The following CDC73 variants were observed in gnomAD, a reference collection of about 807,000 sequenced individuals.
CDC73 encodes the protein parafibromin.
In CDC73, 21 loss-of-function variants were observed where a neutral mutation model predicts 83.7. The ratio of observed to expected loss-of-function variants is 0.25; its 90% confidence interval spans 0.18 to 0.36. The LOEUF is 0.36. CDC73 is among the 10% of genes least tolerant of loss of function. The pLI is 1.00. For synonymous variants in CDC73, 224 were observed against 212.9 expected (o/e 1.05, Z -0.45); for missense variants, 342 against 653.3 (o/e 0.52, Z 5.19).
At chr1:193,130,338 C>T in intron 3 of CDC73, 95 bp downstream of exon 3, 1 of 863,650 alleles carries the variant, frequency 1.2e-6, no homozygotes, top group South Asian at 1.4e-5. Context: ...TTTGTATTTC[C>T]ACCAAAAAAT....
chr1:193,168,119 T>C (rs1349996091), intron 10 of CDC73, among the ~76,000 whole-genome samples: 1 of 152,074 alleles, frequency 6.6e-6, no homozygotes, highest in African/African-American at 2.4e-5. Context: ...CCTCCACCTC[T>C]GAGTGCTGGG....
chr1:193,189,233 C>T (rs1030045947), intron 10 of CDC73, among the ~76,000 whole-genome samples: 16 of 152,164 alleles, frequency 1.1e-4, no homozygotes, highest in African/African-American at 3.1e-4. Context: ...GGATTACAGA[C>T]GTGAGCCACA....
At chr1:193,152,340 A>T in intron 9 of CDC73, 40 bp from the exon 10 acceptor site, 3 of 1,284,502 alleles carry the variant, frequency 2.3e-6, no homozygotes, top group Non-Finnish European at 3.4e-6. Flanking sequence ...AAGATACATG[A>T]TCTATAAAAT....
intron 10 of CDC73, among the ~76,000 whole-genome samples, chr1:193,188,521 ACT>A (rs1676860104): frequency 6.6e-6 from 1 of 152,056 alleles, no homozygotes; most frequent in African/African-American, 2.4e-5. Context: ...TTATATTTTC[ACT>A]TTTTCAACAG....
chr1:193,231,636 A>G (rs1677664435), intron 13 of CDC73, among the ~76,000 whole-genome samples: 1 of 152,188 alleles, frequency 6.6e-6, no homozygotes, highest in Non-Finnish European at 1.5e-5. Context: ...AAATTTTTAA[A>G]TGATATAGAA....
At chr1:193,131,608 ATC>A (rs1251403806) in intron 3 of CDC73, among the ~76,000 whole-genome samples, 1 of 152,150 alleles carries the variant, frequency 6.6e-6, no homozygotes, top group African/African-American at 2.4e-5. Flanking sequence ...CTCTGCCTAA[ATC>A]TCTGTGACTC....
At chr1:193,126,969 T>C (rs1051892576) in intron 2 of CDC73, among the ~76,000 whole-genome samples, 1 of 152,088 alleles carries the variant, frequency 6.6e-6, no homozygotes, top group Non-Finnish European at 1.5e-5. Context: ...ACTTGTTGTC[T>C]AAAGCAACTA....
intron 10 of CDC73, chr1:193,186,281 T>G (rs1676804964): frequency 6.6e-6 from 1 of 152,498 alleles, no homozygotes; most frequent in Non-Finnish European, 1.5e-5. Context: ...AGAGCTGTAG[T>G]TGCCCGTTCT....
At chr1:193,131,807 C>T (rs573326277) in intron 3 of CDC73, among the ~76,000 whole-genome samples, 1 of 152,312 alleles carries the variant, frequency 6.6e-6, no homozygotes, top group African/African-American at 2.4e-5. Context: ...GTTGTTCCAT[C>T]AGAGAAGACT....
intron 14 of CDC73, 72 bp from the exon 15 acceptor site, chr1:193,236,184 G>GTAGCTAAAGCTCAAGTTTGAAA: frequency 2.2e-6 from 2 of 892,052 alleles, no homozygotes; most frequent in Admixed American, 3.4e-5. Context: ...GGGATTTATA[G>GTAGCTAAAGCTCAAGTTTGAAA]TAGCTAAAGC....
At chr1:193,219,399 C>G (rs928916794) in intron 13 of CDC73, among the ~76,000 whole-genome samples, 26 of 152,086 alleles carry the variant, frequency 1.7e-4, no homozygotes, top group African/African-American at 6.0e-4. Flanking sequence ...GGATATATAC[C>G]TAGAGGAATA....
At chr1:193,228,660 C>T (rs1332906766) in intron 13 of CDC73, among the ~76,000 whole-genome samples, 3 of 152,112 alleles carry the variant, frequency 2.0e-5, no homozygotes, top group Non-Finnish European at 2.9e-5. Flanking sequence ...TAACACCATA[C>T]ACAAACATTT....
intron 15 of CDC73, among the ~76,000 whole-genome samples, chr1:193,240,466 T>C (rs148647640): frequency 1.3e-5 from 2 of 152,334 alleles, no homozygotes; most frequent in East Asian, 1.9e-4. Flanking sequence ...TACTAACTTA[T>C]ATTTCCACCA....
chr1:193,236,041 A>G (rs1572217551), intron 14 of CDC73, among the ~76,000 whole-genome samples: 1 of 152,360 alleles, frequency 6.6e-6, no homozygotes, highest in Admixed American at 6.5e-5. Context: ...AAAACCAGAT[A>G]CATGAGAAGT....
intron 2 of CDC73, among the ~76,000 whole-genome samples, chr1:193,125,580 T>C (rs1675554156): frequency 7.1e-6 from 1 of 141,100 alleles, no homozygotes; most frequent in Non-Finnish European, 1.6e-5. Context: ...ATTTTAAAAC[T>C]TTTTTTTTTT....
intron 10 of CDC73, among the ~76,000 whole-genome samples, chr1:193,164,945 G>T (rs1676410725): frequency 6.6e-6 from 1 of 152,182 alleles, no homozygotes; most frequent in South Asian, 2.1e-4. Flanking sequence ...GGTGAGGAGC[G>T]ATAGACTGAC....
At position 193,252,831 on chromosome 1, in the gene CDC73, C is replaced by T. The variant is rs1174631822; in HGVS notation, c.*2119C>T. 2 of 231,868 alleles carry T rather than the reference C, an allele frequency of 8.6e-6. No homozygotes were observed. Among genetic ancestry groups the T allele is most frequent in the East Asian group, 1.2e-4 (2 of 16,364 alleles). 14.4% of individuals were successfully genotyped at this position (231,868 alleles called of 1,614,324 possible). ...TAGCAGTACTTAACACAGTGCCTTG[C>T]ACATAGTAGGCATTCAGTAAATACT... On this transcript the variant is annotated 3_prime_UTR_variant, in exon 17 of 17. Transcript: ENST00000367435.
At chr1:193,165,187 A>G (rs1484802822) in intron 10 of CDC73, among the ~76,000 whole-genome samples, 1 of 152,172 alleles carries the variant, frequency 6.6e-6, no homozygotes, top group Admixed American at 6.5e-5. Flanking sequence ...CAGCATGGAA[A>G]TCACTTTCTC....
intron 10 of CDC73, among the ~76,000 whole-genome samples, chr1:193,168,921 C>T (rs1023866713): frequency 6.6e-6 from 1 of 152,012 alleles, no homozygotes; most frequent in African/African-American, 2.4e-5. Flanking sequence ...ATTTGAATTT[C>T]GTGTAATTTT....
Sources: allele counts gnomAD v4.1 joint callset (sites outside exome capture counted in the v4.1 genomes callset), GRCh38; gene constraint gnomAD v4.1.1; transcripts MANE v1.5; gene names NCBI Gene and HGNC (gene_info 2026-07-23, HGNC 2026-07-21).